DLGAP4: variants seen among roughly 807,000 people sequenced by gnomAD.
DLGAP4 encodes disks large-associated protein 4.
Under a neutral mutation model 86.9 loss-of-function variants are expected in DLGAP4, and 18 were observed. The ratio of observed to expected loss-of-function variants is 0.21; its 90% CI spans 0.14 to 0.31. DLGAP4 has a LOEUF of 0.31. Among genes scored for constraint, DLGAP4 ranks in the 10% least tolerant of loss-of-function variants. The pLI is 1.00. For missense variants in DLGAP4, 1,085 were observed against 1,362.6 expected (o/e 0.80, Z 3.21); for synonymous variants, 548 against 574.3 (o/e 0.95, Z 0.65).
At chr20:36,503,086 G>C (rs142665323) in intron 10 of DLGAP4, among the ~76,000 whole-genome samples, 188 of 152,268 alleles carry the variant, frequency 1.2e-3, no homozygotes, top group Non-Finnish European at 2.0e-3. Context: ...TCTGGCTCTA[G>C]AATTTCTGTC....
rs757541012 is a variant in DLGAP4, at chr20:36,436,168, C to T, written c.1059C>T (p.Ala353=). The T allele has an allele frequency of 6.3e-7, 1 of 1,597,062 alleles. No individual in the cohort carries two copies. The highest frequency in any genetic ancestry group is 1.1e-5 in the South Asian group (1 of 90,250). Reference sequence around the variant, plus strand: ...TGCTGTCCCCACGCGAGACGGATGCCGCGGCCGAGGGCCCTATCCCGTGCC... The same window carrying T: ...TGCTGTCCCCACGCGAGACGGATGCTGCGGCCGAGGGCCCTATCCCGTGCC... The part of the protein sequence containing the change: ...TTLLSPRETD[A]AAEGPIPCRR... Residue 353 remains alanine, a synonymous_variant, in exon 4 of 13, where the codon GCC becomes GCT. Transcript: ENST00000339266.
In DLGAP4 at chr20:36,418,945, C is replaced by T. The variant is rs375664147; in HGVS notation, c.-72-12701C>T. On this transcript the variant is annotated intron_variant, in intron 2 of 12. Coordinates refer to ENST00000339266, the MANE Select transcript of DLGAP4 (RefSeq NM_001365621.2). ...GAGCTGTCTTAGATGGAAGGAATCCCGGAATCTCAACTCAGCCTGGTGGGC... is the reference window on the plus strand; with the variant it reads ...GAGCTGTCTTAGATGGAAGGAATCCTGGAATCTCAACTCAGCCTGGTGGGC... Among the ~76,000 whole-genome samples, 11 of 152,020 alleles carry T rather than the reference C, an allele frequency of 7.2e-5. No homozygotes were observed. In the East Asian group the frequency reaches 9.6e-4, roughly 13 times the overall value.
In DLGAP4 at chr20:36,317,223, T is replaced by TTTTCTTTCTTTCTTTC. The variant is rs1229773592; in HGVS notation, c.-304+10750_-304+10765dup. ...CCCTCCTTCCTTCCTTCCTCTCCTT[T>TTTTCTTTCTTTCTTTC]TTTCTTTCTTTCTTTCTTTCTTTCT... On this transcript the variant is annotated intron_variant, in intron 1 of 12. Coordinates refer to ENST00000339266, the MANE Select transcript of DLGAP4 (RefSeq NM_001365621.2). Among the ~76,000 whole-genome samples, 3 of 93,716 alleles carry TTTTCTTTCTTTCTTTC rather than the reference T, an allele frequency of 3.2e-5. 1 individual carries two copies. The highest frequency in any genetic ancestry group is 4.4e-5 in the Non-Finnish European group (2 of 45,564). The allele number at this position is 93,716 out of a possible 152,430, so 61.5% of individuals were successfully genotyped here. A position where few individuals can be genotyped will look rare whatever the true frequency, so the allele number is the denominator to read the frequency against.
chr20:36,511,823 C>T (rs1403859416), intron 10 of DLGAP4, among the ~76,000 whole-genome samples: 2 of 146,876 alleles, frequency 1.4e-5, no homozygotes, highest in Non-Finnish European at 3.0e-5. Flanking sequence ...TGCGGTGAGC[C>T]GAGATCATGC....
chr20:36,462,419 C>T (rs544550444), intron 7 of DLGAP4: 106 of 1,500,546 alleles, frequency 7.1e-5, no homozygotes, highest in Non-Finnish European at 9.0e-5. Context: ...GAAGGCCCCC[C>T]TTTGAGCCTG....
At chr20:36,473,166 C>T (rs1251560363) in intron 7 of DLGAP4, 1 of 152,254 alleles carries the variant, frequency 6.6e-6, no homozygotes, top group African/African-American at 2.4e-5. Context: ...TTTCACTTTC[C>T]CTGAAGGTAA....
At chr20:36,433,385 A>G (rs886069349) in intron 3 of DLGAP4, among the ~76,000 whole-genome samples, 3 of 152,212 alleles carry the variant, frequency 2.0e-5, no homozygotes, top group Non-Finnish European at 4.4e-5. Flanking sequence ...TGATTCAGGC[A>G]CTTGCTGTGC....
At chr20:36,380,652 A>G (rs903450567) in intron 2 of DLGAP4, among the ~76,000 whole-genome samples, 1 of 118,930 alleles carries the variant, frequency 8.4e-6, no homozygotes, top group African/African-American at 3.3e-5. Context: ...AGAGAGAGAG[A>G]GAGAGAGAGA....
intron 3 of DLGAP4, among the ~76,000 whole-genome samples, chr20:36,433,150 T>A (rs1392898964): frequency 6.6e-6 from 1 of 152,036 alleles, no homozygotes; most frequent in Non-Finnish European, 1.5e-5. Context: ...CAGGAAGTGC[T>A]CAGGAAATGT....
chr20:36,447,016 G>C, intron 7 of DLGAP4, 79 bp downstream of exon 7: 1 of 1,518,192 alleles, frequency 6.6e-7, no homozygotes, highest in Non-Finnish European at 8.8e-7. Context: ...GCCAGCCTGG[G>C]AGGATACAGG....
At chr20:36,446,024 T>C (rs530421345) in intron 6 of DLGAP4, among the ~76,000 whole-genome samples, 1 of 152,306 alleles carries the variant, frequency 6.6e-6, no homozygotes, top group Non-Finnish European at 1.5e-5. Context: ...AGCATACACA[T>C]CACCATTTTC....
intron 1 of DLGAP4, among the ~76,000 whole-genome samples, chr20:36,353,122 G>A (rs2030212518): frequency 6.6e-6 from 1 of 152,158 alleles, no homozygotes; most frequent in African/African-American, 2.4e-5. Context: ...GACTTCAGGT[G>A]GCCTAGAACC....
chr20:36,333,651 C>T (rs1292670284), intron 1 of DLGAP4, among the ~76,000 whole-genome samples: 3 of 152,162 alleles, frequency 2.0e-5, no homozygotes, highest in Admixed American at 6.5e-5. Context: ...TGTGACTCCC[C>T]GCGAACCACT....
chr20:36,448,705 G>A (rs1033768976), intron 7 of DLGAP4, among the ~76,000 whole-genome samples: 1 of 151,948 alleles, frequency 6.6e-6, no homozygotes, highest in African/African-American at 2.4e-5. Context: ...AAGCCAAGGT[G>A]GGCAGATCAC....
chr20:36,383,962 T>G, intron 2 of DLGAP4, among the ~76,000 whole-genome samples: 1 of 126,216 alleles, frequency 7.9e-6, no homozygotes, highest in Non-Finnish European at 1.6e-5. Flanking sequence ...CCGGCCTGGG[T>G]GAAAGAGCGA....
At chr20:36,462,112 C>A in intron 7 of DLGAP4, 1 of 999,822 alleles carries the variant, frequency 1.0e-6, no homozygotes, top group Non-Finnish European at 1.2e-6. Context: ...CTCCTCTGAA[C>A]CCCCATTGCC....
At chr20:36,445,231 C>T (rs758061241) in intron 6 of DLGAP4, among the ~76,000 whole-genome samples, 2 of 152,132 alleles carry the variant, frequency 1.3e-5, no homozygotes, top group Non-Finnish European at 2.9e-5. Context: ...TTTGGCCAGG[C>T]GCAGTGGCTC....
intron 7 of DLGAP4, among the ~76,000 whole-genome samples, chr20:36,457,571 G>A (rs2033911206): frequency 6.6e-6 from 1 of 151,830 alleles, no homozygotes; most frequent in Non-Finnish European, 1.5e-5. Flanking sequence ...AGTAGAGACG[G>A]GGTTTCACTA....
intron 2 of DLGAP4, among the ~76,000 whole-genome samples, chr20:36,404,607 G>A (rs2032258609): frequency 1.3e-5 from 2 of 152,210 alleles, no homozygotes; most frequent in Admixed American, 1.3e-4. Context: ...TGAATGAGGG[G>A]GTGGAATGGA....
Sources: gnomAD v4.1 joint callset for allele counts (sites outside exome capture counted in the v4.1 genomes callset) on GRCh38, gnomAD v4.1.1 for gene constraint, MANE v1.5 for transcripts, NCBI Gene and HGNC (gene_info 2026-07-23, HGNC 2026-07-21) for gene names.